PDE5A: variants seen among roughly 807,000 people sequenced by gnomAD.
The protein encoded by PDE5A is cGMP-specific 3',5'-cyclic phosphodiesterase.
Under a neutral mutation model 110.2 loss-of-function variants are expected in PDE5A, and 67 were observed. The observed-to-expected ratio is 0.61, with a 90% CI of 0.50 to 0.75. The LOEUF is 0.75. PDE5A is among the 30% of genes least tolerant of loss of function. The pLI, the probability that PDE5A is intolerant of heterozygous loss-of-function variation, is 0.00. For missense variants in PDE5A, 862 were observed against 1,045.1 expected (o/e 0.82, Z 2.42); for synonymous variants, 328 against 351.2 (o/e 0.93, Z 0.74).
Position 119,607,145 on chromosome 4 carries a change from G to A in PDE5A, c.305C>T (p.Ser102Phe). 6.2e-7 allele frequency: 1 copy of A among 1,614,174 alleles called. No homozygotes were observed. Among genetic ancestry groups the A allele is most frequent in the Non-Finnish European group, 8.5e-7 (1 of 1,180,040 alleles). Residue 102 changes from serine (S) to phenylalanine (F), a missense_variant, in exon 2 of 21, where the codon TCT (serine) becomes TTT (phenylalanine). Coordinates refer to ENST00000354960, the MANE Select transcript of PDE5A (RefSeq NM_001083.4). ...SAPGTPTRKI[S>F]ASEFDRPLRP... ...AAGAGGCCGGTCAAATTCAGAGGCA[G>A]AGATTTTCCTGGTTGGTGTTCCAGG...
rs1199181252 is a variant in PDE5A at position 119,588,864 on chromosome 4, C to G, written c.831+7659G>C. Among the ~76,000 whole-genome samples the G allele has an allele frequency of 2.0e-5, 3 of 152,124 alleles. No individual in the cohort carries two copies. In the East Asian group the frequency reaches 5.8e-4, roughly 29 times the overall value. On this transcript the variant is annotated intron_variant, in intron 3 of 20. Transcript: ENST00000354960. The stretch of plus-strand genomic sequence containing the variant: ...AGATATTAGCTAAAATGATCTTTTA[C>G]CACGTTGTAATGAATTTATCCTAAA...
intron 3 of PDE5A, among the ~76,000 whole-genome samples, chr4:119,572,349 A>T (rs1003626302): frequency 2.0e-5 from 3 of 152,194 alleles, no homozygotes; most frequent in Non-Finnish European, 2.9e-5. Context: ...AAAGAATAAA[A>T]TTTTTTAGGG....
At position 119,542,472 on chromosome 4, in the gene PDE5A, A is replaced by G. The variant is rs764211651; in HGVS notation, c.1559T>C (p.Met520Thr). The G allele has an allele frequency of 1.2e-6, 2 of 1,613,670 alleles. No homozygotes were observed. Residue 520 changes from methionine to threonine, a missense_variant, in exon 10 of 21, where the codon ATG becomes ACG. Physicochemically the swap from Met to Thr is moderately conservative, Grantham distance 81 (BLOSUM62 -1). Coordinates refer to ENST00000354960, the MANE Select transcript of PDE5A (RefSeq NM_001083.4). ...AACTTCACCCACCTCCAATGTGACCATTTGCTTGGCCATGGCTCTCTCCAC... is the reference window on the plus strand; with the variant it reads ...AACTTCACCCACCTCCAATGTGACCGTTTGCTTGGCCATGGCTCTCTCCAC... ...EAVERAMAKQMVTLEVLSYHA... is the reference protein window; with the variant it reads ...EAVERAMAKQTVTLEVLSYHA...
chr4:119,624,498 T>C (rs754859149), intron 1 of PDE5A, among the ~76,000 whole-genome samples: 1 of 152,194 alleles, frequency 6.6e-6, no homozygotes, highest in Non-Finnish European at 1.5e-5. Context: ...AAGTCTATCA[T>C]AGAAAGCTAT....
rs553616512 is a variant in PDE5A, at chr4:119,514,290, A to G, written c.2001-3156T>C. ...AAAATGAAAGCCCCATGGGGGTGGG[A>G]AACTATATTGCCACCCCAGTCTTCC... On this transcript the variant is annotated intron_variant, in intron 14 of 20. Coordinates refer to ENST00000354960, the MANE Select transcript of PDE5A (RefSeq NM_001083.4). 6.6e-5 allele frequency among the ~76,000 whole-genome samples: 10 copies of G among 152,288 alleles called. No individual in the cohort carries two copies. The East Asian group carries it at 1.9e-3, about 29-fold the overall frequency.
At chr4:119,541,086 C>T (rs867113675) in intron 10 of PDE5A, among the ~76,000 whole-genome samples, 8 of 151,742 alleles carry the variant, frequency 5.3e-5, no homozygotes, top group African/African-American at 1.5e-4. Context: ...CAGAGGAGTG[C>T]GGTGGGAATG....
Position 119,511,042 on chromosome 4 carries a change from C to A in PDE5A, c.2088+5G>T. 1.3e-6 allele frequency: 2 copies of A among 1,497,622 alleles called. No individual in the cohort carries two copies. The highest frequency in any genetic ancestry group is 2.4e-5 in the South Asian group (2 of 81,726). 92.8% of individuals were successfully genotyped at this position (1,497,622 alleles called of 1,614,324 possible). A position where few individuals can be genotyped will look rare whatever the true frequency, so the allele number is the denominator to read the frequency against. On this transcript the variant is annotated splice_donor_5th_base_variant and intron_variant, in intron 15 of 20. Coordinates refer to ENST00000354960, the MANE Select transcript of PDE5A (RefSeq NM_001083.4). ...AAATTCCACAACAATAAATTAGGTA[C>A]TTACTGGACTATTAAGAATCATCAG...
intron 2 of PDE5A, 64 bp from the exon 3 acceptor site, chr4:119,596,676 G>T: frequency 1.1e-6 from 1 of 912,048 alleles, no homozygotes; most frequent in Non-Finnish European, 1.7e-6. Context: ...TGATTTTTCT[G>T]ATTTATTAGA....
intron 3 of PDE5A, among the ~76,000 whole-genome samples, chr4:119,582,294 C>A (rs928042430): frequency 5.3e-5 from 8 of 152,208 alleles, no homozygotes; most frequent in Admixed American, 3.3e-4. Flanking sequence ...TTTCTTTGCT[C>A]ATCTATAAGA....
intron 1 of PDE5A, among the ~76,000 whole-genome samples, chr4:119,622,864 G>GAAAAAAAAAAA (rs369291602): frequency 1.7e-4 from 17 of 97,242 alleles, no homozygotes; most frequent in South Asian, 7.5e-4. Context: ...ACTCCGTCTC[G>GAAAAAAAAAAA]AAAAAAAAAA....
At chr4:119,562,302 G>C (rs1727769945) in intron 6 of PDE5A, among the ~76,000 whole-genome samples, 1 of 152,188 alleles carries the variant, frequency 6.6e-6, no homozygotes, top group Non-Finnish European at 1.5e-5. Context: ...CTACCAGTTA[G>C]AACAGCTTAG....
At chr4:119,580,960 G>A (rs975345666) in intron 3 of PDE5A, among the ~76,000 whole-genome samples, 4 of 152,174 alleles carry the variant, frequency 2.6e-5, no homozygotes, top group African/African-American at 9.7e-5. Flanking sequence ...TTATTTTAAG[G>A]GTGGTATCCT....
intron 2 of PDE5A, among the ~76,000 whole-genome samples, chr4:119,597,233 A>G (rs1221985068): frequency 6.6e-6 from 1 of 152,072 alleles, no homozygotes; most frequent in Non-Finnish European, 1.5e-5. Flanking sequence ...TAAAGAAACA[A>G]AGGTAAAGTT....
chr4:119,554,884 A>G (rs1438747291), intron 7 of PDE5A, among the ~76,000 whole-genome samples: 2 of 152,220 alleles, frequency 1.3e-5, no homozygotes, highest in Non-Finnish European at 2.9e-5. Flanking sequence ...CATTTTATAC[A>G]AGGGACTTTA....
At chr4:119,534,619 G>T (rs1208262204) in intron 11 of PDE5A, among the ~76,000 whole-genome samples, 3 of 152,118 alleles carry the variant, frequency 2.0e-5, no homozygotes, top group Non-Finnish European at 1.5e-5. Flanking sequence ...ACAGTTCAGT[G>T]ATAGTGGTTA....
At chr4:119,545,530 A>G (rs969040209) in intron 9 of PDE5A, among the ~76,000 whole-genome samples, 13 of 152,340 alleles carry the variant, frequency 8.5e-5, no homozygotes, top group East Asian at 7.7e-4. Context: ...GGAACCAAGA[A>G]GTAGTGAAGT....
At chr4:119,503,987 T>TG (rs1725467894) in intron 18 of PDE5A, among the ~76,000 whole-genome samples, 1 of 152,086 alleles carries the variant, frequency 6.6e-6, no homozygotes. Context: ...TATATGTGCA[T>TG]GTCTGGTATA....
At chr4:119,616,916 G>A (rs2110560208) in intron 1 of PDE5A, among the ~76,000 whole-genome samples, 1 of 152,160 alleles carries the variant, frequency 6.6e-6, no homozygotes, top group South Asian at 2.1e-4. Context: ...TGAAAAGTGT[G>A]GCACTCTTAA....
At chr4:119,515,907 GCTC>G (rs1725892802) in intron 14 of PDE5A, among the ~76,000 whole-genome samples, 1 of 152,188 alleles carries the variant, frequency 6.6e-6, no homozygotes, top group Middle Eastern at 3.4e-3. Flanking sequence ...CACTGCAGTG[GCTC>G]CTTTTTCCCA....
Sources: allele counts gnomAD v4.1 joint callset (sites outside exome capture counted in the v4.1 genomes callset), GRCh38; gene constraint gnomAD v4.1.1; transcripts MANE v1.5; gene names NCBI Gene and HGNC (gene_info 2026-07-23, HGNC 2026-07-21).